ADAMTS20: variants seen among roughly 807,000 people sequenced by gnomAD.
ADAMTS20 encodes the protein ADAM metallopeptidase with thrombospondin type 1 motif 20.
ADAMTS20 carries 225 observed loss-of-function variants against 260.1 expected under a neutral mutation model. The ratio of observed to expected loss-of-function variants is 0.87; its 90% confidence interval spans 0.78 to 0.97. The LOEUF (loss-of-function observed/expected upper bound fraction) is 0.97. Ranked by LOEUF, ADAMTS20 falls within the 50% of genes least tolerant of loss-of-function variation. The pLI is 0.00. For missense variants in ADAMTS20, 2,400 were observed against 2,337.7 expected (o/e 1.03, Z -0.55); for synonymous variants, 802 against 769.5 (o/e 1.04, Z -0.70).
At chr12:43,413,197 A>C (rs975856726) in intron 28 of ADAMTS20, among the ~76,000 whole-genome samples, 1 of 152,156 alleles carries the variant, frequency 6.6e-6, no homozygotes. Context: ...TTTACACATT[A>C]TCATTTACAC....
rs566957415 is a variant in ADAMTS20 at position 43,498,820 on chromosome 12, A to C, written c.867+3332T>G. Among the ~76,000 whole-genome samples, 78 of 152,302 alleles carry C rather than the reference A, an allele frequency of 5.1e-4. 2 individuals carry two copies. The highest frequency in any genetic ancestry group is 1.7e-3 in the African/African-American group (72 of 41,568). On this transcript the variant is annotated intron_variant, in intron 4 of 38. Coordinates refer to ENST00000389420, the MANE Select transcript of ADAMTS20 (RefSeq NM_025003.5). ...AAGGGTTTCCAAGGACATGAGACTC[A>C]ATACCAAAACTGATCAAGTTCCAGG...
chr12:43,419,105 T>C (rs896662653), intron 28 of ADAMTS20, among the ~76,000 whole-genome samples: 1 of 152,134 alleles, frequency 6.6e-6, no homozygotes, highest in African/African-American at 2.4e-5. Context: ...AAAGTTACCA[T>C]TCACAAAATA....
At position 43,383,795 on chromosome 12, in the gene ADAMTS20, G is replaced by A. The variant is rs376360883; in HGVS notation, c.4626+9C>T. The stretch of plus-strand genomic sequence containing the variant: ...CAGTGTCTTTGAAAATTTACATGTC[G>A]ATACTCACATTCAGCCTCCCTCTTT... On this transcript the variant is annotated intron_variant, in intron 30 of 38. Transcript: ENST00000389420. The A allele has an allele frequency of 6.0e-5, 96 of 1,613,444 alleles. 2 individuals carry two copies. Among genetic ancestry groups the A allele is most frequent in the African/African-American group, 4.4e-4 (33 of 74,990 alleles).
At chr12:43,550,452 G>A (rs1413705952) in intron 2 of ADAMTS20, among the ~76,000 whole-genome samples, 1 of 152,078 alleles carries the variant, frequency 6.6e-6, no homozygotes, top group Non-Finnish European at 1.5e-5. Context: ...TTCTGACCTT[G>A]CCAGTGGGAG....
At chr12:43,462,518 C>A (rs1419340485) in intron 11 of ADAMTS20, among the ~76,000 whole-genome samples, 2 of 152,002 alleles carry the variant, frequency 1.3e-5, no homozygotes, top group African/African-American at 4.8e-5. Context: ...ATTGTATTAA[C>A]GGAATTTTAA....
At chr12:43,458,201 C>G (rs1359099487) in intron 11 of ADAMTS20, among the ~76,000 whole-genome samples, 2 of 152,216 alleles carry the variant, frequency 1.3e-5, no homozygotes, top group East Asian at 3.9e-4. Flanking sequence ...ACTTCTAGGT[C>G]ACAGGTAGGT....
intron 11 of ADAMTS20, among the ~76,000 whole-genome samples, chr12:43,458,343 T>C (rs1193292847): frequency 1.3e-5 from 2 of 152,260 alleles, no homozygotes; most frequent in African/African-American, 4.8e-5. Context: ...CCTGAGACGT[T>C]CCCAAGTTGA....
At chr12:43,394,270 A>G (rs1165076629) in intron 29 of ADAMTS20, among the ~76,000 whole-genome samples, 1 of 152,142 alleles carries the variant, frequency 6.6e-6, no homozygotes, top group Admixed American at 6.6e-5. Flanking sequence ...AGAACACTAG[A>G]CAACTGACAG....
intron 7 of ADAMTS20, 25 bp from the exon 8 acceptor site, chr12:43,468,730 C>T: frequency 3.0e-6 from 4 of 1,352,164 alleles, no homozygotes; most frequent in Non-Finnish European, 4.2e-6. Flanking sequence ...ATTTGTATTT[C>T]ATCAAAATGG....
At chr12:43,353,170 T>C (rs766359512), downstream of ADAMTS20, among the ~76,000 whole-genome samples, 1 of 152,032 alleles carries the variant, frequency 6.6e-6, no homozygotes, top group Non-Finnish European at 1.5e-5. Flanking sequence ...ATTATCTGCA[T>C]GAAAAAAACT....
At chr12:43,520,729 A>G (rs780419559) in intron 3 of ADAMTS20, among the ~76,000 whole-genome samples, 1 of 152,192 alleles carries the variant, frequency 6.6e-6, no homozygotes, top group Non-Finnish European at 1.5e-5. Context: ...ACCATTAACA[A>G]GTTATAGTAC....
At position 43,383,964 on chromosome 12, in the gene ADAMTS20, C is replaced by T; in HGVS notation, c.4466G>A (p.Cys1489Tyr). 1 of 1,613,620 alleles carries T rather than the reference C, an allele frequency of 6.2e-7. No individual in the cohort carries two copies. The highest frequency in any genetic ancestry group is 8.5e-7 in the Non-Finnish European group (1 of 1,179,722). The change falls in exon 30 of 39, where the codon TGT becomes TAT. Residue 1489 changes from cysteine to tyrosine, a missense_variant. Physicochemically the swap from Cys to Tyr is radical, Grantham distance 194. Coordinates refer to ENST00000389420, the MANE Select transcript of ADAMTS20 (RefSeq NM_025003.5). ...ATCCCTCTGCTGAACTCCAGAGCCA[C>T]AGGTCACAGAGCACTACAAAGGAGT... ...ANSWNECSVT[C>Y]GSGVQQRDVY...
intron 37 of ADAMTS20, among the ~76,000 whole-genome samples, chr12:43,358,741 G>T (rs959441634): frequency 2.3e-4 from 34 of 149,804 alleles, no homozygotes; most frequent in African/African-American, 8.4e-4. Flanking sequence ...GGAGGCTGAG[G>T]CAGGAGAATG....
rs139458463 is a variant in ADAMTS20 at position 43,412,802 on chromosome 12, ATTTTTTT to A, written c.4284+12705_4284+12711del. ...TCTCTAGTTAGCAGAATAGGAAATA[ATTTTTTT>A]TTTTTTTTTTTTTTTTTTTTGAGAC... On this transcript the variant is annotated intron_variant, in intron 28 of 38. Transcript: ENST00000389420. Among the ~76,000 whole-genome samples, 48 of 84,308 alleles carry A rather than the reference ATTTTTTT, an allele frequency of 5.7e-4. No individual in the cohort carries two copies. The Middle Eastern group carries it at 0.022, about 39-fold the overall frequency. The allele number at this position is 84,308 out of a possible 152,430, so 55.3% of individuals were successfully genotyped here. A position where few individuals can be genotyped will look rare whatever the true frequency, so the allele number is the denominator to read the frequency against.
At chr12:43,417,695 G>A (rs1411360376) in intron 28 of ADAMTS20, among the ~76,000 whole-genome samples, 1 of 152,144 alleles carries the variant, frequency 6.6e-6, no homozygotes, top group African/African-American at 2.4e-5. Flanking sequence ...GGTGGCAAGG[G>A]TGATTCACTG....
chr12:43,537,200 T>A (rs939000297), intron 2 of ADAMTS20, among the ~76,000 whole-genome samples: 1 of 150,782 alleles, frequency 6.6e-6, no homozygotes, highest in Non-Finnish European at 1.5e-5. Context: ...CTCCCATAAC[T>A]GGCGGAATTT....
At chr12:43,550,152 C>A (rs948001984) in intron 2 of ADAMTS20, among the ~76,000 whole-genome samples, 1 of 152,134 alleles carries the variant, frequency 6.6e-6, no homozygotes, top group African/African-American at 2.4e-5. Flanking sequence ...AAAAAAGGTA[C>A]ATCTTTATTT....
intron 23 of ADAMTS20, 131 bp downstream of exon 23, chr12:43,430,217 CCTCT>C: frequency 1.0e-6 from 1 of 970,734 alleles, no homozygotes; most frequent in East Asian, 3.0e-5. Flanking sequence ...TATTTTTTTG[CCTCT>C]CTCTCACACA....
Position 43,376,522 on chromosome 12 carries a change from A to G in ADAMTS20, c.5125+2T>C, listed in dbSNP as rs1326293541. ...ATTAGATTTTTGAAGTCTACTACTT[A>G]CAGTCATTGGCATAACATTTCTTTT... On this transcript the variant is annotated splice_donor_variant, in intron 33 of 38. Coordinates refer to ENST00000389420, the MANE Select transcript of ADAMTS20 (RefSeq NM_025003.5). LOFTEE classifies it high-confidence loss of function. The G allele has an allele frequency of 6.2e-7, 1 of 1,610,412 alleles. No individual in the cohort carries two copies.
Sources: allele counts gnomAD v4.1 joint callset (sites outside exome capture counted in the v4.1 genomes callset), GRCh38; gene constraint gnomAD v4.1.1; transcripts MANE v1.5; gene names NCBI Gene and HGNC (gene_info 2026-07-23, HGNC 2026-07-21).